The following DST variants were observed in gnomAD, a reference collection of about 807,000 sequenced individuals.
The protein encoded by DST is bullous pemphigoid antigen.
A neutral mutation model predicts 875.2 loss-of-function variants in DST; 253 were observed. The ratio of observed to expected loss-of-function variants is 0.29; its 90% CI spans 0.26 to 0.32. The LOEUF (loss-of-function observed/expected upper bound fraction) is 0.32, where lower values mean the gene tolerates loss of function less well. DST is among the 10% of genes least tolerant of loss of function. The pLI, the probability that DST is intolerant of heterozygous loss-of-function variation, is 1.00. For synonymous variants in DST, 3,124 were observed against 3,197.1 expected, an observed-to-expected ratio of 0.98 and a Z score of 0.77; for missense variants, 8,287 against 9,111.6, an observed-to-expected ratio of 0.91 and a Z score of 3.68.
In DST at chr6:56,625,989, AAC is replaced by A. The variant is rs1236073655; in HGVS notation, c.4723-727_4723-726del. Among the ~76,000 whole-genome samples, 802 of 150,808 alleles carry A rather than the reference AAC, an allele frequency of 5.3e-3. 11 individuals carry two copies. The highest frequency in any genetic ancestry group is 0.019 in the African/African-American group (778 of 41,206). ...TTAAAAAGTAAAAAAAAAAAAAAAA[AAC>A]CAAAAATTAAAAATAGAAAAAAGCT... On this transcript the variant is annotated intron_variant, in intron 34 of 103. Transcript: ENST00000680361.
At chr6:56,498,529 C>T (rs2096000215) in intron 80 of DST, among the ~76,000 whole-genome samples, 1 of 152,104 alleles carries the variant, frequency 6.6e-6, no homozygotes, top group South Asian at 2.1e-4. Flanking sequence ...AATGACCTTG[C>T]AATTGATGAC....
chr6:56,844,676 C>CA (rs1156900602), intron 4 of DST, among the ~76,000 whole-genome samples: 1 of 152,078 alleles, frequency 6.6e-6, no homozygotes, highest in Non-Finnish European at 1.5e-5. Flanking sequence ...AGTTCAAGAC[C>CA]AGCCTGGCCA....
chr6:56,748,206 C>A (rs1446614721), intron 4 of DST, among the ~76,000 whole-genome samples: 1 of 152,054 alleles, frequency 6.6e-6, no homozygotes, highest in African/African-American at 2.4e-5. Context: ...TATATGGTTT[C>A]ATATATGGTT....
chr6:56,929,750 T>C (rs1809167618), intron 2 of DST, among the ~76,000 whole-genome samples: 1 of 152,182 alleles, frequency 6.6e-6, no homozygotes, highest in Non-Finnish European at 1.5e-5. Flanking sequence ...TTTAATTCTA[T>C]ACAAAACATA....
chr6:56,705,119 G>C (rs1192934894), intron 5 of DST, among the ~76,000 whole-genome samples: 1 of 152,206 alleles, frequency 6.6e-6, no homozygotes, highest in African/African-American at 2.4e-5. Context: ...TGCCAAGTAG[G>C]GATAGCTCTA....
At chr6:56,867,182 T>G (rs1475557541) in intron 3 of DST, among the ~76,000 whole-genome samples, 1 of 152,220 alleles carries the variant, frequency 6.6e-6, no homozygotes, top group Non-Finnish European at 1.5e-5. Flanking sequence ...GCTTCACTAC[T>G]TATTAGCTAT....
chr6:56,871,734 G>C, intron 3 of DST: 2 of 432,644 alleles, frequency 4.6e-6, no homozygotes, highest in Non-Finnish European at 4.3e-6. Context: ...AAAACTTACA[G>C]CACAGGAGTA....
chr6:56,916,778 T>TCTCACACACA (rs1470233953), intron 2 of DST, among the ~76,000 whole-genome samples: 1,579 of 91,266 alleles, frequency 0.017, 24 homozygotes, highest in African/African-American at 0.025. Flanking sequence ...TCTCTCTCTC[T>TCTCACACACA]CACACACACA....
chr6:56,506,677 C>T lies in DST; in HGVS notation c.19352G>A (p.Ser6451Asn). The change falls in exon 76 of 104, where the codon AGT (serine) becomes AAT (asparagine). Residue 6451 changes from serine to asparagine, a missense_variant. Physicochemically the swap from Ser to Asn is conservative, Grantham distance 46. Transcript: ENST00000680361. ...GTAAGCCAGTTGTACCTCATCTATA[C>T]TCTTCTTGACAATGGGTTTATCAGG... is the stretch of plus-strand genomic sequence containing the variant. ...GEPDKPIVKK[S>N]IDELNSAWDS... 3 of 1,613,572 alleles carry T rather than the reference C, an allele frequency of 1.9e-6. No individual in the cohort carries two copies. The highest frequency in any genetic ancestry group is 1.7e-6 in the Non-Finnish European group (2 of 1,179,662).
rs1392858333 is a variant in DST at position 56,632,909 on chromosome 6, C to T, written c.3750G>A (p.Lys1250=). The part of the protein sequence containing the change: ...FSGSDITQLE[K]EVNVCKQYYQ... ...AATACTGCTTACATACATTAACCTCCTTTTCCAGTTGTGTTATATCTGAGC... is the reference window on the plus strand; with the variant it reads ...AATACTGCTTACATACATTAACCTCTTTTTCCAGTTGTGTTATATCTGAGC... The change falls in exon 28 of 104, where the codon AAG becomes AAA. Residue 1250 remains lysine (K), a synonymous_variant. Coordinates refer to ENST00000680361, the MANE Select transcript of DST (RefSeq NM_001374736.1). 1.2e-6 allele frequency: 2 copies of T among 1,613,844 alleles called. No individual in the cohort carries two copies. The highest frequency in any genetic ancestry group is 1.7e-6 in the Non-Finnish European group (2 of 1,179,958).
At position 56,552,327 on chromosome 6, in the gene DST, C is replaced by T. The variant is rs374322914; in HGVS notation, c.16465G>A (p.Gly5489Arg). The T allele has an allele frequency of 3.3e-5, 54 of 1,613,828 alleles. No homozygotes were observed. In the Admixed American group the frequency reaches 8.7e-4, roughly 26 times the overall value. Residue 5489 changes from glycine to arginine, a missense_variant, in exon 61 of 104, where the codon GGG (glycine) becomes AGG (arginine). Physicochemically the swap from Gly to Arg is moderately radical, Grantham distance 125. This residue lies in a region of DST where 777 missense variants were observed against 764.8 expected (regional missense o/e 1.02). Transcript: ENST00000680361. ...AATTCTTCAAGGCGCTTAATTGTCCCTTCAACCTGCTCTTCTCTGGCTTGG... is the reference window on the plus strand; with the variant it reads ...AATTCTTCAAGGCGCTTAATTGTCCTTTCAACCTGCTCTTCTCTGGCTTGG... ...RAQAREEQVE[G>R]TIKRLEEFYS...
At position 56,555,795 on chromosome 6, in the gene DST, G is replaced by A. The variant is rs2097403549; in HGVS notation, c.14686C>T (p.Leu4896=). The change falls in exon 60 of 104, where the codon CTG becomes TTG. Residue 4896 remains leucine (L), a synonymous_variant. Coordinates refer to ENST00000680361, the MANE Select transcript of DST (RefSeq NM_001374736.1). ...FATRKPQYEQ[L]TAAGQGILSR... ...AGAATGCCCTGACCAGCTGCTGTCA[G>A]CTGTTCATATTGAGGTTTCCGAGTG... The A allele has an allele frequency of 1.9e-6, 3 of 1,553,484 alleles. No homozygotes were observed. The highest frequency in any genetic ancestry group is 2.6e-6 in the Non-Finnish European group (3 of 1,146,542).
intron 62 of DST, among the ~76,000 whole-genome samples, chr6:56,535,795 T>C (rs2096985216): frequency 6.6e-6 from 1 of 152,210 alleles, no homozygotes; most frequent in Non-Finnish European, 1.5e-5. Flanking sequence ...TCTGGAGTCT[T>C]TTTTCAACAA....
chr6:56,491,786 A>G (rs1057162285), intron 85 of DST, among the ~76,000 whole-genome samples: 1 of 152,198 alleles, frequency 6.6e-6, no homozygotes, highest in African/African-American at 2.4e-5. Flanking sequence ...GGAGGGCTAC[A>G]TGTCTGGCTC....
At position 56,560,289 on chromosome 6, in the gene DST, C is replaced by T; in HGVS notation, c.14440+5G>A. 3 of 1,601,466 alleles carry T rather than the reference C, an allele frequency of 1.9e-6. No individual in the cohort carries two copies. The highest frequency in any genetic ancestry group is 2.6e-6 in the Non-Finnish European group (3 of 1,174,030). ...ATAGGCATTCATCTAAGTAACGCAA[C>T]ATACCTATTTCTGTCAACATCTGTT... On this transcript the variant is annotated splice_donor_5th_base_variant and intron_variant, in intron 58 of 103. Coordinates refer to ENST00000680361, the MANE Select transcript of DST (RefSeq NM_001374736.1).
At chr6:56,941,250 T>C (rs1364630752) in intron 2 of DST, among the ~76,000 whole-genome samples, 2 of 152,192 alleles carry the variant, frequency 1.3e-5, no homozygotes, top group African/African-American at 4.8e-5. Flanking sequence ...GTTTTCATTA[T>C]CATTTAGTTT....
At position 56,604,838 on chromosome 6, in the gene DST, T is replaced by G. The variant is rs1299365906; in HGVS notation, c.9790A>C (p.Thr3264Pro). 6.2e-7 allele frequency: 1 copy of G among 1,612,822 alleles called. No individual in the cohort carries two copies. Among genetic ancestry groups the G allele is most frequent in the Non-Finnish European group, 8.5e-7 (1 of 1,179,300 alleles). The change falls in exon 40 of 104, where the codon ACA becomes CCA. Residue 3264 changes from threonine to proline, a missense_variant. Thr to Pro is a conservative substitution (Grantham distance 38). Coordinates refer to ENST00000680361, the MANE Select transcript of DST (RefSeq NM_001374736.1). ...AGTGTGGCTTCAATACTTTCTGGTG[T>G]GAACTGAGAAATTTCTGTTCCTCCT... is the stretch of plus-strand genomic sequence containing the variant. ...SGGGTEISQF[T>P]PESIEATLSI...
chr6:56,812,842 T>C (rs2099762050), intron 4 of DST, among the ~76,000 whole-genome samples: 1 of 152,192 alleles, frequency 6.6e-6, no homozygotes, highest in Admixed American at 6.5e-5. Flanking sequence ...CGCAGGGATC[T>C]AGAACTAGAA....
At chr6:56,570,821 C>G (rs1031526726) in intron 53 of DST, among the ~76,000 whole-genome samples, 1 of 152,180 alleles carries the variant, frequency 6.6e-6, no homozygotes, top group South Asian at 2.1e-4. Flanking sequence ...ACAGTTTGAA[C>G]ATTATTTACA....
Sources: allele counts gnomAD v4.1 joint callset (sites outside exome capture counted in the v4.1 genomes callset), GRCh38; gene constraint gnomAD v4.1.1; regional missense constraint gnomAD v4.1.1; transcripts MANE v1.5; gene names NCBI Gene and HGNC (gene_info 2026-07-23, HGNC 2026-07-21).